Variants in ATRNL1 observed in about 807,000 individuals in gnomAD.
The protein encoded by ATRNL1 is attractin like 1, also known as attractin-like protein 1.
Under a neutral mutation model 182.7 loss-of-function variants are expected in ATRNL1, and 95 were observed. That is an observed-to-expected ratio of 0.52 (90% CI 0.44 to 0.62). The LOEUF (loss-of-function observed/expected upper bound fraction) is 0.62. Ranked by LOEUF, ATRNL1 falls within the 20% of genes least tolerant of loss-of-function variation. The probability of loss-of-function intolerance (pLI) is 0.00; values close to 1 mark genes in which losing one functional copy is unlikely to be tolerated. For synonymous variants in ATRNL1, 576 were observed against 568.3 expected, an observed-to-expected ratio of 1.01 and a Z score of -0.19; for missense variants, 1,471 against 1,679.5, an observed-to-expected ratio of 0.88 and a Z score of 2.17.
At chr10:115,819,932 G>T (rs909994994) in intron 27 of ATRNL1, 4 of 151,878 alleles carry the variant, frequency 2.6e-5, no homozygotes, top group Admixed American at 2.0e-4. Flanking sequence ...CCTGGCTAAG[G>T]TGGAGGAATA....
At chr10:115,826,801 C>A (rs1179994113) in intron 27 of ATRNL1, among the ~76,000 whole-genome samples, 3 of 151,756 alleles carry the variant, frequency 2.0e-5, no homozygotes, top group Non-Finnish European at 4.4e-5. Flanking sequence ...AGGCAACATT[C>A]GATTAAAAAA....
At chr10:115,628,658 A>G (rs1555025413) in intron 26 of ATRNL1, among the ~76,000 whole-genome samples, 10 of 152,200 alleles carry the variant, frequency 6.6e-5, no homozygotes. Context: ...GCCAAATCCA[A>G]CATCATAAAG....
intron 25 of ATRNL1, among the ~76,000 whole-genome samples, chr10:115,524,916 T>C (rs561534476): frequency 6.6e-6 from 1 of 152,234 alleles, no homozygotes; most frequent in East Asian, 1.9e-4. Flanking sequence ...TGTCTAATGG[T>C]AGTCAAAATG....
chr10:115,758,105 C>A (rs991515676), intron 27 of ATRNL1, among the ~76,000 whole-genome samples: 1 of 151,834 alleles, frequency 6.6e-6, no homozygotes. Flanking sequence ...TGGGTTAGAA[C>A]ATGCTTCTTT....
chr10:115,399,146 AT>A (rs1844431786), intron 20 of ATRNL1, among the ~76,000 whole-genome samples: 1 of 152,064 alleles, frequency 6.6e-6, no homozygotes. Flanking sequence ...TTCATCCAGG[AT>A]ATCCACCTGT....
chr10:115,770,984 T>G (rs993141803), intron 27 of ATRNL1, among the ~76,000 whole-genome samples: 2 of 152,140 alleles, frequency 1.3e-5, no homozygotes, highest in South Asian at 2.1e-4. Flanking sequence ...TTAAAATTTG[T>G]TCATCTTAAA....
chr10:115,790,131 A>T (rs749247501), intron 27 of ATRNL1, among the ~76,000 whole-genome samples: 1 of 152,046 alleles, frequency 6.6e-6, no homozygotes, highest in Non-Finnish European at 1.5e-5. Context: ...TGTGTTTCCC[A>T]AATCAATTTT....
intron 26 of ATRNL1, among the ~76,000 whole-genome samples, chr10:115,686,648 G>A (rs534668240): frequency 7.2e-5 from 11 of 152,024 alleles, no homozygotes; most frequent in African/African-American, 2.6e-4. Context: ...TTTCAAGTCC[G>A]CTAACCAAAC....
chr10:115,295,941 C>T (rs1383329036), intron 15 of ATRNL1, among the ~76,000 whole-genome samples: 1 of 152,060 alleles, frequency 6.6e-6, no homozygotes, highest in Non-Finnish European at 1.5e-5. Context: ...AGAGGTGGCT[C>T]TGGTCTCAAC....
At chr10:115,715,135 C>T (rs1487336742) in intron 26 of ATRNL1, among the ~76,000 whole-genome samples, 5 of 152,050 alleles carry the variant, frequency 3.3e-5, no homozygotes. Context: ...TCTCAGTTGC[C>T]CCAAGTTTGG....
chr10:115,364,073 G>T (rs1856894288), intron 19 of ATRNL1, among the ~76,000 whole-genome samples: 1 of 150,062 alleles, frequency 6.7e-6, no homozygotes, highest in South Asian at 2.1e-4. Flanking sequence ...TTGGTAGCTT[G>T]ATGGGGATGG....
intron 27 of ATRNL1, among the ~76,000 whole-genome samples, chr10:115,830,102 A>G (rs1435502701): frequency 1.3e-5 from 2 of 152,230 alleles, no homozygotes; most frequent in Non-Finnish European, 2.9e-5. Flanking sequence ...TTCTAGCTGC[A>G]TATATGCAGT....
At chr10:115,196,044 C>T (rs1554890937) in intron 8 of ATRNL1, among the ~76,000 whole-genome samples, 2 of 151,878 alleles carry the variant, frequency 1.3e-5, no homozygotes, top group Non-Finnish European at 2.9e-5. Context: ...ACCTATAATC[C>T]CAGATGCTCA....
At chr10:115,476,276 A>C (rs1848526586) in intron 24 of ATRNL1, among the ~76,000 whole-genome samples, 1 of 151,296 alleles carries the variant, frequency 6.6e-6, no homozygotes, top group African/African-American at 2.4e-5. Context: ...TCAGAGAAAA[A>C]CTATGGTTTT....
intron 13 of ATRNL1, 102 bp downstream of exon 13, chr10:115,268,546 C>A: frequency 1.3e-6 from 1 of 775,098 alleles, no homozygotes; most frequent in South Asian, 1.6e-5. Flanking sequence ...GCACTTTACA[C>A]ATTAAGACAT....
chr10:115,528,521 T>TG (rs1370311339), intron 25 of ATRNL1, among the ~76,000 whole-genome samples: 3 of 151,104 alleles, frequency 2.0e-5, no homozygotes, highest in African/African-American at 7.3e-5. Flanking sequence ...TTCTCTTTTC[T>TG]TTTTTTTTGG....
intron 5 of ATRNL1, among the ~76,000 whole-genome samples, chr10:115,151,586 T>G (rs1219420212): frequency 1.3e-5 from 2 of 152,194 alleles, no homozygotes; most frequent in South Asian, 4.1e-4. Context: ...TCTTGTAAAT[T>G]TGTTGGAGTT....
intron 26 of ATRNL1, among the ~76,000 whole-genome samples, chr10:115,648,730 C>T (rs765731150): frequency 2.0e-5 from 3 of 152,190 alleles, no homozygotes; most frequent in Non-Finnish European, 4.4e-5. Context: ...TTCATCTGTG[C>T]ACAAACTCTA....
At chr10:115,943,947 CT>C (rs1419151400) in intron 28 of ATRNL1, among the ~76,000 whole-genome samples, 7 of 152,072 alleles carry the variant, frequency 4.6e-5, no homozygotes, top group African/African-American at 1.7e-4. Flanking sequence ...AGGCTACGTA[CT>C]GTGTGATTCC....
Sources: gnomAD v4.1 joint callset for allele counts (sites outside exome capture counted in the v4.1 genomes callset) on GRCh38, gnomAD v4.1.1 for gene constraint, MANE v1.5 for transcripts, NCBI Gene and HGNC (gene_info 2026-07-23, HGNC 2026-07-21) for gene names.